Variants in NOS2 observed in about 807,000 individuals in gnomAD.
The protein encoded by NOS2 is nitric oxide synthase, inducible.
NOS2 carries 96 observed loss-of-function variants against 136.0 expected under a neutral mutation model. The observed-to-expected ratio is 0.71, with a 90% CI of 0.60 to 0.84. NOS2 has a LOEUF of 0.84. NOS2 is among the 40% of genes least tolerant of loss of function. The pLI, the probability that NOS2 is intolerant of heterozygous loss-of-function variation, is 0.00. For synonymous variants in NOS2, 539 were observed against 587.5 expected (o/e 0.92, Z 1.20); for missense variants, 1,237 against 1,496.9 (o/e 0.83, Z 2.87).
chr17:27,786,199 G>A (rs1159267701), intron 5 of NOS2, among the ~76,000 whole-genome samples: 1 of 151,758 alleles, frequency 6.6e-6, no homozygotes, highest in African/African-American at 2.4e-5. Flanking sequence ...GAGGTGGGTG[G>A]ATCACAAGGT....
Position 27,769,008 on chromosome 17 carries a change from G to A in NOS2, c.2003C>T (p.Ala668Val). 6.2e-7 allele frequency: 1 copy of A among 1,611,256 alleles called. No homozygotes were observed. Among genetic ancestry groups the A allele is most frequent in the South Asian group, 1.1e-5 (1 of 90,616 alleles). Residue 668 changes from alanine (A) to valine (V), a missense_variant, in exon 17 of 27, where the codon GCC (alanine) becomes GTC (valine). By Grantham distance (64) the Ala-to-Val change is moderately conservative. Coordinates refer to ENST00000313735, the MANE Select transcript of NOS2 (RefSeq NM_000625.4). Reference protein sequence around the residue: ...EGDELSGQEDAFRSWAVQTFK... With the variant: ...EGDELSGQEDVFRSWAVQTFK... ...GGTTTGCACGGCCCAGCTGCGGAAG[G>A]CGTCCTCCTGCCCACTGAGCTCATC... is the stretch of plus-strand genomic sequence containing the variant.
intron 14 of NOS2, 66 bp from the exon 15 acceptor site, chr17:27,771,083 C>CA: frequency 1.7e-6 from 2 of 1,180,406 alleles, no homozygotes; most frequent in South Asian, 2.6e-5. Context: ...CCTGCGCAGA[C>CA]ACCCTGGGCT....
intron 11 of NOS2, 136 bp from the exon 12 acceptor site, chr17:27,774,587 C>G: frequency 1.9e-6 from 1 of 521,666 alleles, no homozygotes; most frequent in South Asian, 4.7e-5. Context: ...TCCTGGCCCT[C>G]TCCTTGCCTG....
chr17:27,797,266 C>T (rs1476681850), intron 2 of NOS2, among the ~76,000 whole-genome samples: 1 of 152,226 alleles, frequency 6.6e-6, no homozygotes, highest in Non-Finnish European at 1.5e-5. Flanking sequence ...TGCTCCATCA[C>T]CTCCTAACTG....
intron 14 of NOS2, among the ~76,000 whole-genome samples, chr17:27,771,672 C>A (rs1171175241): frequency 6.6e-6 from 1 of 152,260 alleles, no homozygotes; most frequent in African/African-American, 2.4e-5. Context: ...AGAAGCCGTG[C>A]GACCCTGGAA....
chr17:27,765,574 G>T lies in NOS2; in HGVS notation c.2389C>A (p.Pro797Thr). The T allele has an allele frequency of 6.2e-7, 1 of 1,611,692 alleles. No individual in the cohort carries two copies. The highest frequency in any genetic ancestry group is 8.5e-7 in the Non-Finnish European group (1 of 1,179,654). Residue 797 changes from proline (P) to threonine (T), a missense_variant, in exon 20 of 27, where the codon CCC becomes ACC. Coordinates refer to ENST00000313735, the MANE Select transcript of NOS2 (RefSeq NM_000625.4). ...ILERVVDGPTPHQTVRLEALD... is the reference protein window; with the variant it reads ...ILERVVDGPTTHQTVRLEALD... ...GCCTCCAGGCGCACTGTCTGGTGGG[G>T]TGTGGGGCCATCCACCACTCGCTCC...
At chr17:27,791,718 T>C (rs772662454) in intron 2 of NOS2, among the ~76,000 whole-genome samples, 4 of 151,598 alleles carry the variant, frequency 2.6e-5, no homozygotes, top group Admixed American at 2.0e-4. Flanking sequence ...ACAAGTATCA[T>C]TGAATACTTT....
intron 12 of NOS2, 136 bp downstream of exon 12, chr17:27,774,121 G>A: frequency 1.8e-6 from 1 of 546,406 alleles, no homozygotes; most frequent in Non-Finnish European, 2.9e-6. Flanking sequence ...ATCCTTGAGT[G>A]GGGCCTGGAA....
chr17:27,787,592 C>T (rs1362705319), intron 5 of NOS2, 86 bp downstream of exon 5: 2 of 1,044,328 alleles, frequency 1.9e-6, no homozygotes, highest in Non-Finnish European at 2.8e-6. Context: ...GAAAAGGGAT[C>T]TAGCTAGGAT....
chr17:27,790,062 A>G (rs1909144446), intron 2 of NOS2, among the ~76,000 whole-genome samples: 1 of 152,220 alleles, frequency 6.6e-6, no homozygotes, highest in Admixed American at 6.5e-5. Flanking sequence ...AGCACTGCCC[A>G]GCAGCCACTT....
At chr17:27,794,012 T>G (rs1442305980) in intron 2 of NOS2, among the ~76,000 whole-genome samples, 1 of 152,252 alleles carries the variant, frequency 6.6e-6, no homozygotes, top group Non-Finnish European at 1.5e-5. Flanking sequence ...GCAATAAAGC[T>G]TATGATAATT....
At chr17:27,761,369 C>T (rs917348043) in intron 22 of NOS2, 138 bp from the exon 23 acceptor site, 16 of 672,120 alleles carry the variant, frequency 2.4e-5, no homozygotes, top group African/African-American at 7.3e-5. Context: ...GCTGTTTGTC[C>T]TCCTGGTTCT....
intron 16 of NOS2, 134 bp from the exon 17 acceptor site, chr17:27,769,285 TG>T: frequency 1.1e-6 from 1 of 935,272 alleles, no homozygotes; most frequent in Non-Finnish European, 1.6e-6. Context: ...GACCCCCTTC[TG>T]GTCCTCTCCA....
intron 18 of NOS2, among the ~76,000 whole-genome samples, chr17:27,767,111 C>T (rs535166903): frequency 5.9e-5 from 9 of 152,126 alleles, no homozygotes; most frequent in Admixed American, 2.6e-4. Context: ...TGGAAAGTCC[C>T]GGGACATCTC....
Position 27,769,571 on chromosome 17 carries a change from G to C in NOS2, c.1823C>G (p.Ser608Trp). The C allele has an allele frequency of 6.2e-7, 1 of 1,611,978 alleles. No homozygotes were observed. The highest frequency in any genetic ancestry group is 8.5e-7 in the Non-Finnish European group (1 of 1,178,160). The change falls in exon 16 of 27, where the codon TCG (serine) becomes TGG (tryptophan). Residue 608 changes from serine to tryptophan, a missense_variant. Around this residue, in one of 3 missense-constraint regions of NOS2, gnomAD observed 782 missense variants for 909.9 expected, o/e 0.86. Coordinates refer to ENST00000313735, the MANE Select transcript of NOS2 (RefSeq NM_000625.4). ...CPGNGEKLKK[S>W]LFMLKELNNK... ...GTTGAGCTCTTTCAGCATGAAGAGC[G>C]ATTTCTTCAGTTTCTAGAAAGAGAG...
At chr17:27,778,235 G>A (rs1434201070) in intron 11 of NOS2, among the ~76,000 whole-genome samples, 3 of 151,936 alleles carry the variant, frequency 2.0e-5, no homozygotes, top group Non-Finnish European at 4.4e-5. Context: ...TTGCTCTGTC[G>A]CCCAGCCAGG....
Position 27,765,661 on chromosome 17 carries a change from G to A in NOS2, c.2302C>T (p.Leu768=), listed in dbSNP as rs1908277482. The A allele has an allele frequency of 1.2e-6, 2 of 1,613,382 alleles. No homozygotes were observed. Among genetic ancestry groups the A allele is most frequent in the East Asian group, 2.2e-5 (1 of 44,900 alleles). ...CAAACCCCAAGGTGCTCCCCCGGCA[G>A]GTAGTTCAGGCCTTGGCCATCCTCA... The part of the protein sequence containing the change: ...SCEDGQGLNY[L]PGEHLGVCPG... Residue 768 remains leucine, a synonymous_variant, in exon 20 of 27, where the codon CTG becomes TTG. Coordinates refer to ENST00000313735, the MANE Select transcript of NOS2 (RefSeq NM_000625.4).
At chr17:27,800,011 C>G (rs933997255) in intron 1 of NOS2, among the ~76,000 whole-genome samples, 1 of 152,048 alleles carries the variant, frequency 6.6e-6, no homozygotes, top group African/African-American at 2.4e-5. Flanking sequence ...TCCATCTTAC[C>G]AGGATTTGTG....
intron 11 of NOS2, among the ~76,000 whole-genome samples, chr17:27,778,043 A>AG (rs1024220010): frequency 8.5e-5 from 13 of 152,070 alleles, no homozygotes; most frequent in African/African-American, 2.4e-4. Context: ...TCAAAAAAAA[A>AG]AAAAGGAAAA....
Sources: gnomAD v4.1 joint callset for allele counts (sites outside exome capture counted in the v4.1 genomes callset) on GRCh38, gnomAD v4.1.1 for gene constraint, gnomAD v4.1.1 regional missense constraint, MANE v1.5 for transcripts, NCBI Gene and HGNC (gene_info 2026-07-23, HGNC 2026-07-21) for gene names.